The following ADK variants were observed in gnomAD, a reference collection of about 807,000 sequenced individuals.
ADK encodes adenosine kinase.
A neutral mutation model predicts 44.7 loss-of-function variants in ADK; 24 were observed. The observed-to-expected ratio is 0.54, with a 90% CI of 0.39 to 0.76. The LOEUF is 0.76. Among genes scored for constraint, ADK ranks in the 30% least tolerant of loss-of-function variants. The probability of loss-of-function intolerance (pLI) is 0.00; values close to 1 mark genes in which losing one functional copy is unlikely to be tolerated. For missense variants in ADK, 321 were observed against 425.1 expected, an observed-to-expected ratio of 0.76 and a Z score of 2.15; for synonymous variants, 128 against 142.6, an observed-to-expected ratio of 0.90 and a Z score of 0.73.
chr10:74,615,485 T>A (rs1407394055), intron 9 of ADK, among the ~76,000 whole-genome samples: 2 of 152,144 alleles, frequency 1.3e-5, no homozygotes, highest in Admixed American at 6.5e-5. Flanking sequence ...CAGCTCCGGA[T>A]TTGCAAGGAT....
At chr10:74,350,415 G>A (rs931587406) in intron 4 of ADK, among the ~76,000 whole-genome samples, 6 of 152,152 alleles carry the variant, frequency 3.9e-5, no homozygotes, top group Admixed American at 1.3e-4. Context: ...ACCAAAAGCA[G>A]TGTTAAGAGG....
chr10:74,671,943 T>C (rs890020548), intron 10 of ADK, among the ~76,000 whole-genome samples: 2 of 152,192 alleles, frequency 1.3e-5, no homozygotes, highest in African/African-American at 4.8e-5. Context: ...CTATCTGTAA[T>C]GCTACCGATA....
intron 9 of ADK, among the ~76,000 whole-genome samples, chr10:74,612,272 A>T (rs904040972): frequency 2.6e-5 from 4 of 152,002 alleles, no homozygotes; most frequent in African/African-American, 7.2e-5. Flanking sequence ...TCCCATTTTT[A>T]AAAATTGTAT....
At chr10:74,340,452 C>T (rs941990740) in intron 4 of ADK, among the ~76,000 whole-genome samples, 2 of 152,048 alleles carry the variant, frequency 1.3e-5, no homozygotes, top group Non-Finnish European at 2.9e-5. Flanking sequence ...TATCTTGCTT[C>T]CTAATTTGAC....
At chr10:74,263,145 T>A (rs1846100170) in intron 3 of ADK, among the ~76,000 whole-genome samples, 1 of 152,200 alleles carries the variant, frequency 6.6e-6, no homozygotes, top group African/African-American at 2.4e-5. Flanking sequence ...ACCCCAAATA[T>A]TTGATTTCCA....
intron 6 of ADK, among the ~76,000 whole-genome samples, chr10:74,503,208 T>C (rs183224899): frequency 1.0e-3 from 157 of 152,294 alleles, no homozygotes; most frequent in African/African-American, 3.7e-3. Context: ...AGAAAACACT[T>C]GCCAGTCCTT....
intron 3 of ADK, among the ~76,000 whole-genome samples, chr10:74,250,240 T>C (rs1845597582): frequency 6.6e-6 from 1 of 152,184 alleles, no homozygotes; most frequent in Admixed American, 6.5e-5. Context: ...ACAGTAATTT[T>C]CTCTAGCTGT....
At chr10:74,265,150 C>T (rs566083224) in intron 3 of ADK, among the ~76,000 whole-genome samples, 17 of 152,004 alleles carry the variant, frequency 1.1e-4, no homozygotes, top group African/African-American at 3.6e-4. Context: ...TAGGTCCAAG[C>T]CCTCTTCCCA....
intron 6 of ADK, among the ~76,000 whole-genome samples, chr10:74,504,382 C>T (rs1564759720): frequency 2.0e-5 from 3 of 151,838 alleles, no homozygotes; most frequent in Admixed American, 1.3e-4. Flanking sequence ...TGAACAGTGC[C>T]GGGGGTTAGA....
intron 6 of ADK, among the ~76,000 whole-genome samples, chr10:74,447,659 A>G (rs1054424712): frequency 6.6e-6 from 1 of 152,182 alleles, no homozygotes; most frequent in African/African-American, 2.4e-5. Context: ...CTAATAATCT[A>G]CTACTCTTTG....
chr10:74,600,524 T>C, intron 9 of ADK, 31 bp downstream of exon 9: 1 of 1,454,866 alleles, frequency 6.9e-7, no homozygotes, highest in Non-Finnish European at 9.6e-7. Flanking sequence ...ATGAATCTAG[T>C]ATTATGGAGA....
In ADK at chr10:74,183,062, T is replaced by TTGTAGCCCCTACAGTCCCACC. The variant is rs1486879073; in HGVS notation, c.66-17697_66-17696insCCCCTACAGTCCCACCTGTAG. ...CCTGAGCAGCTGGGAGTAGTCCCAC[T>TTGTAGCCCCTACAGTCCCACC]TGTAGTCCCTACAGTCCCACCTGTA... On this transcript the variant is annotated intron_variant, in intron 1 of 10. Coordinates refer to ENST00000539909, the MANE Select transcript of ADK (RefSeq NM_006721.4). Among the ~76,000 whole-genome samples the TTGTAGCCCCTACAGTCCCACC allele has an allele frequency of 2.6e-5, 4 of 152,126 alleles. No homozygotes were observed. The East Asian group carries it at 7.8e-4, about 30-fold the overall frequency.
chr10:74,233,297 G>A (rs1564609143), intron 3 of ADK, among the ~76,000 whole-genome samples: 1 of 152,200 alleles, frequency 6.6e-6, no homozygotes, highest in Non-Finnish European at 1.5e-5. Flanking sequence ...TGCGTGTTCT[G>A]TTAATAGGGA....
At chr10:74,315,037 A>G (rs1357400144) in intron 4 of ADK, among the ~76,000 whole-genome samples, 1 of 152,030 alleles carries the variant, frequency 6.6e-6, no homozygotes, top group Non-Finnish European at 1.5e-5. Context: ...GAAACTTCAT[A>G]TTTTATAGAT....
intron 6 of ADK, among the ~76,000 whole-genome samples, chr10:74,411,884 C>T (rs1279434725): frequency 6.6e-6 from 1 of 152,190 alleles, no homozygotes; most frequent in Non-Finnish European, 1.5e-5. Context: ...TTTTCGTTGT[C>T]ATTTCAACAG....
intron 1 of ADK, among the ~76,000 whole-genome samples, chr10:74,153,054 G>A (rs1841656094): frequency 6.7e-6 from 1 of 148,852 alleles, no homozygotes; most frequent in Non-Finnish European, 1.5e-5. Flanking sequence ...CTGAATTTAT[G>A]ATGACTTGCT....
At chr10:74,396,961 A>G (rs1243126816) in intron 5 of ADK, among the ~76,000 whole-genome samples, 1 of 147,438 alleles carries the variant, frequency 6.8e-6, no homozygotes, top group African/African-American at 2.5e-5. Flanking sequence ...TTCATCTGGA[A>G]AAAAAAAAAA....
chr10:74,596,152 A>T (rs72820507), intron 8 of ADK, among the ~76,000 whole-genome samples: 2,791 of 145,700 alleles, frequency 0.019, 41 homozygotes, highest in Non-Finnish European at 0.025. Flanking sequence ...GTTTTGTGAT[A>T]AAAAAAAACA....
chr10:74,524,060 T>C (rs973708590), intron 6 of ADK, among the ~76,000 whole-genome samples: 8 of 152,180 alleles, frequency 5.3e-5, no homozygotes, highest in Non-Finnish European at 1.2e-4. Flanking sequence ...TTTTCAAGTC[T>C]CTATTATTGC....
Sources: gnomAD v4.1 joint callset for allele counts (sites outside exome capture counted in the v4.1 genomes callset) on GRCh38, gnomAD v4.1.1 for gene constraint, MANE v1.5 for transcripts, NCBI Gene and HGNC (gene_info 2026-07-23, HGNC 2026-07-21) for gene names.